The following CYP7B1 variants were observed in gnomAD, a reference collection of about 807,000 sequenced individuals.
CYP7B1 encodes the protein cytochrome P450 7B1.
In CYP7B1, 29 loss-of-function variants were observed where a neutral mutation model predicts 42.7. The observed-to-expected ratio is 0.68, with a 90% CI of 0.51 to 0.93. The LOEUF (loss-of-function observed/expected upper bound fraction) is 0.93. Ranked by LOEUF, CYP7B1 falls within the 40% of genes least tolerant of loss-of-function variation. The pLI, the probability that CYP7B1 is intolerant of heterozygous loss-of-function variation, is 0.00. For synonymous variants in CYP7B1, 235 were observed against 218.2 expected (o/e 1.08, Z -0.68); for missense variants, 655 against 600.5 (o/e 1.09, Z -0.95).
downstream of CYP7B1, among the ~76,000 whole-genome samples, chr8:64,590,635 T>A (rs2129629583): frequency 6.6e-6 from 1 of 152,288 alleles, no homozygotes; most frequent in South Asian, 2.1e-4. Flanking sequence ...TACAAATAAA[T>A]AATAAGTTAA....
chr8:64,740,981 C>T (rs556204429), intron 1 of CYP7B1, among the ~76,000 whole-genome samples: 27 of 152,168 alleles, frequency 1.8e-4, no homozygotes, highest in East Asian at 9.7e-4. Flanking sequence ...CCTAACTCAT[C>T]GTATGAGGCC....
At chr8:64,611,193 TATC>T (rs1349374110) in intron 4 of CYP7B1, among the ~76,000 whole-genome samples, 4 of 152,094 alleles carry the variant, frequency 2.6e-5, no homozygotes, top group Non-Finnish European at 4.4e-5. Context: ...AGGGCTCTGG[TATC>T]AGACAGGCCT....
At chr8:64,725,756 A>C (rs1267487539) in intron 1 of CYP7B1, among the ~76,000 whole-genome samples, 1 of 152,236 alleles carries the variant, frequency 6.6e-6, no homozygotes, top group Non-Finnish European at 1.5e-5. Flanking sequence ...AAAACAGAAA[A>C]TATGACTATG....
chr8:64,774,396 G>A (rs1261774325), intron 1 of CYP7B1, among the ~76,000 whole-genome samples: 8 of 152,178 alleles, frequency 5.3e-5, no homozygotes, highest in Admixed American at 5.2e-4. Context: ...AGATTAGGAA[G>A]CTGGATATTG....
At chr8:64,771,045 A>ATTTTTTTTTTTT (rs1308107007) in intron 1 of CYP7B1, among the ~76,000 whole-genome samples, 1 of 40,498 alleles carries the variant, frequency 2.5e-5, no homozygotes, top group African/African-American at 8.3e-5. Flanking sequence ...GGATATCAGC[A>ATTTTTTTTTTTT]TCTTTTTTTT....
intron 5 of CYP7B1, among the ~76,000 whole-genome samples, chr8:64,601,078 C>A (rs1283453113): frequency 6.6e-6 from 1 of 152,188 alleles, no homozygotes; most frequent in African/African-American, 2.4e-5. Context: ...GAGAGTACTT[C>A]TTTATCTGCC....
Position 64,592,413 on chromosome 8 carries a change from T to A in CYP7B1, c.*4229A>T, listed in dbSNP as rs959544498. On this transcript the variant is annotated 3_prime_UTR_variant, in exon 6 of 6. Transcript: ENST00000310193. ...ATAAATCAGAATTTTAAAATAGTTT[T>A]AAAGAGATGAATTTATCACTTACAA... Among the ~76,000 whole-genome samples, 3 of 152,220 alleles carry A rather than the reference T, an allele frequency of 2.0e-5. No homozygotes were observed. Among genetic ancestry groups the A allele is most frequent in the African/African-American group, 7.2e-5 (3 of 41,454 alleles).
intron 1 of CYP7B1, among the ~76,000 whole-genome samples, chr8:64,766,039 C>A (rs1672098433): frequency 6.6e-6 from 1 of 152,106 alleles, no homozygotes; most frequent in African/African-American, 2.4e-5. Flanking sequence ...TTGGCGATTT[C>A]TGGTATCTCA....
At chr8:64,785,585 A>G (rs1282736483) in intron 1 of CYP7B1, among the ~76,000 whole-genome samples, 2 of 152,198 alleles carry the variant, frequency 1.3e-5, no homozygotes, top group Non-Finnish European at 2.9e-5. Flanking sequence ...CATATTGCTG[A>G]GTGAAATAAG....
At chr8:64,626,978 T>C (rs1805618921) in intron 1 of CYP7B1, among the ~76,000 whole-genome samples, 1 of 152,202 alleles carries the variant, frequency 6.6e-6, no homozygotes. Context: ...TCCAACATGG[T>C]AGAATTTCAC....
chr8:64,771,047 C>CTTT (rs757503820), intron 1 of CYP7B1, among the ~76,000 whole-genome samples: 6,739 of 42,424 alleles, frequency 0.16, 2,553 homozygotes, highest in Non-Finnish European at 0.2. Flanking sequence ...ATATCAGCAT[C>CTTT]TTTTTTTTTT....
rs1256982362 is a variant in CYP7B1 at position 64,604,812 on chromosome 8, G to T, written c.1103C>A (p.Thr368Asn). The change falls in exon 5 of 6, where the codon ACC becomes AAC. Residue 368 changes from threonine (T) to asparagine (N), a missense_variant. Thr to Asn is a moderately conservative substitution (Grantham distance 65). Coordinates refer to ENST00000310193, the MANE Select transcript of CYP7B1 (RefSeq NM_004820.5). The part of the protein sequence containing the change: ...EALRLSSYST[T>N]IRFVEEDLTL... ...CAAATCCTCCTCAACAAAACGAATG[G>T]TGGTTGAATATGAGGACAGTCGTAA... 6.2e-7 allele frequency: 1 copy of T among 1,614,118 alleles called. No individual in the cohort carries two copies. Among genetic ancestry groups the T allele is most frequent in the Admixed American group, 1.7e-5 (1 of 60,006 alleles).
intron 1 of CYP7B1, among the ~76,000 whole-genome samples, chr8:64,669,675 G>A (rs1368727105): frequency 6.6e-6 from 1 of 151,898 alleles, no homozygotes; most frequent in Non-Finnish European, 1.5e-5. Context: ...TTTGCAAACT[G>A]TAGGGGTTTC....
intron 1 of CYP7B1, among the ~76,000 whole-genome samples, chr8:64,751,427 T>G (rs2129633501): frequency 6.6e-6 from 1 of 152,286 alleles, no homozygotes; most frequent in South Asian, 2.1e-4. Flanking sequence ...ATGAATATAA[T>G]TCCATTTTAG....
intron 1 of CYP7B1, among the ~76,000 whole-genome samples, chr8:64,795,195 CATT>C (rs1306056479): frequency 1.3e-5 from 2 of 152,128 alleles, no homozygotes; most frequent in Non-Finnish European, 2.9e-5. Context: ...ATCTTAAAAT[CATT>C]ATGTTGAGAG....
chr8:64,664,716 T>C (rs1806249897), intron 1 of CYP7B1, among the ~76,000 whole-genome samples: 1 of 152,196 alleles, frequency 6.6e-6, no homozygotes, highest in Admixed American at 6.5e-5. Context: ...GGAAAAGACC[T>C]GTGATGAGGA....
intron 1 of CYP7B1, among the ~76,000 whole-genome samples, chr8:64,650,900 T>C (rs894489107): frequency 1.3e-5 from 2 of 152,160 alleles, no homozygotes; most frequent in African/African-American, 4.8e-5. Flanking sequence ...GCCTTCTCCA[T>C]AGAATGCTGT....
intron 5 of CYP7B1, among the ~76,000 whole-genome samples, chr8:64,600,803 A>G (rs1373238669): frequency 1.3e-5 from 2 of 152,236 alleles, no homozygotes; most frequent in South Asian, 2.1e-4. Flanking sequence ...TAGTTCCAAT[A>G]TGGTAGGTAT....
At chr8:64,587,376 C>G (rs930324760), downstream of CYP7B1, among the ~76,000 whole-genome samples, 2 of 152,234 alleles carry the variant, frequency 1.3e-5, no homozygotes, top group Admixed American at 1.3e-4. Flanking sequence ...AACCGCCAAG[C>G]TCCTTGGGAC....
Sources: allele counts gnomAD v4.1 joint callset (sites outside exome capture counted in the v4.1 genomes callset), GRCh38; gene constraint gnomAD v4.1.1; transcripts MANE v1.5; gene names NCBI Gene and HGNC (gene_info 2026-07-23, HGNC 2026-07-21).